Variants in NCK2 observed in about 807,000 individuals in gnomAD.
The protein encoded by NCK2 is NCK adaptor protein 2, also known as cytoplasmic protein NCK2.
In NCK2, 16 loss-of-function variants were observed where a neutral mutation model predicts 33.9. The ratio of observed to expected loss-of-function variants is 0.47; its 90% confidence interval spans 0.32 to 0.72. NCK2 has a LOEUF of 0.72. Ranked by LOEUF, NCK2 falls within the 30% of genes least tolerant of loss-of-function variation. The pLI is 0.03. For missense variants in NCK2, 418 were observed against 537.3 expected, an observed-to-expected ratio of 0.78 and a Z score of 2.19; for synonymous variants, 273 against 239.9, an observed-to-expected ratio of 1.14 and a Z score of -1.27.
chr2:105,846,200 T>G (rs1676849848), intron 2 of NCK2, among the ~76,000 whole-genome samples: 1 of 152,116 alleles, frequency 6.6e-6, no homozygotes, highest in African/African-American at 2.4e-5. Context: ...TGGTAAATTA[T>G]GTGTAAAATA....
Position 105,757,182 on chromosome 2 carries a change from C to G in NCK2, c.-201+12044C>G, listed in dbSNP as rs543351101. ...ATTCTTACGAGGAATAGAGATGAGTCTCCTTTTCCTTTGCTACTAATTTGG... is the reference window on the plus strand; with the variant it reads ...ATTCTTACGAGGAATAGAGATGAGTGTCCTTTTCCTTTGCTACTAATTTGG... On this transcript the variant is annotated intron_variant, in intron 1 of 4. Transcript: ENST00000233154. 3.7e-4 allele frequency among the ~76,000 whole-genome samples: 57 copies of G among 152,254 alleles called. 1 individual carries two copies. Among genetic ancestry groups the G allele is most frequent in the African/African-American group, 9.6e-4 (40 of 41,546 alleles).
At chr2:105,840,348 C>T (rs1676597570) in intron 2 of NCK2, among the ~76,000 whole-genome samples, 1 of 152,142 alleles carries the variant, frequency 6.6e-6, no homozygotes, top group Non-Finnish European at 1.5e-5. Flanking sequence ...ATGTTTTCTT[C>T]CGATTGCCTG....
At chr2:105,860,358 TCCACAAGGGGACCCTAC>T (rs1375427581) in intron 3 of NCK2, among the ~76,000 whole-genome samples, 1 of 152,070 alleles carries the variant, frequency 6.6e-6, no homozygotes, top group Non-Finnish European at 1.5e-5. Context: ...AGTTCCTGCA[TCCACAAGGGGACCCTAC>T]CCACCAAGTG....
intron 3 of NCK2, among the ~76,000 whole-genome samples, chr2:105,868,915 C>T (rs1341062168): frequency 1.3e-5 from 2 of 152,218 alleles, no homozygotes; most frequent in Non-Finnish European, 2.9e-5. Context: ...CAGGAGTGGG[C>T]CCCTCGCAGC....
intron 1 of NCK2, among the ~76,000 whole-genome samples, chr2:105,773,507 T>C (rs1388254868): frequency 2.0e-5 from 3 of 152,112 alleles, no homozygotes; most frequent in Admixed American, 6.6e-5. Context: ...TTCAGTGTCA[T>C]AGAAAGACCC....
chr2:105,882,013 G>A lies in NCK2; in HGVS notation c.912G>A (p.Val304=), dbSNP rs375512251. The change falls in exon 4 of 5, where the codon GTG becomes GTA. Residue 304 remains valine, a synonymous_variant. Coordinates refer to ENST00000233154, the MANE Select transcript of NCK2 (RefSeq NM_003581.5). The stretch of plus-strand genomic sequence containing the variant: ...AGTGCGCCCTCAACGAGCGGGGCGT[G>A]GAGGGCGACTTCCTCATTAGGGACA... ...QAECALNERG[V]EGDFLIRDSE... 50 of 1,505,848 alleles carry A rather than the reference G, an allele frequency of 3.3e-5. No homozygotes were observed. The highest frequency in any genetic ancestry group is 4.2e-5 in the Non-Finnish European group (47 of 1,126,756). The allele number at this position is 1,505,848 out of a possible 1,614,324, so 93.3% of individuals were successfully genotyped here.
At chr2:105,884,489 T>C (rs148227888) in intron 4 of NCK2, among the ~76,000 whole-genome samples, 95 of 152,344 alleles carry the variant, frequency 6.2e-4, no homozygotes, top group African/African-American at 2.2e-3. Flanking sequence ...GGCCTTTAAT[T>C]GAGGTTATCA....
At position 105,830,691 on chromosome 2, in the gene NCK2, G is replaced by GTGAGTGTGTGTGTGTGTGTA. The variant is rs1676143961; in HGVS notation, c.-17+14080_-17+14081insAGTGTGTGTGTGTGTGTATG. 2.0e-5 allele frequency among the ~76,000 whole-genome samples: 3 copies of GTGAGTGTGTGTGTGTGTGTA among 147,198 alleles called. No homozygotes were observed. The South Asian group carries it at 6.4e-4, about 31-fold the overall frequency. ...ATTTGGTGTGTGTGTGTGTGTGTGT[G>GTGAGTGTGTGTGTGTGTGTA]TGTGTGTGTGTGTGTGTGTGTGTGT... On this transcript the variant is annotated intron_variant, in intron 2 of 4. Coordinates refer to ENST00000233154, the MANE Select transcript of NCK2 (RefSeq NM_003581.5).
intron 1 of NCK2, among the ~76,000 whole-genome samples, chr2:105,788,643 A>G (rs554207380): frequency 5.7e-4 from 87 of 152,300 alleles, no homozygotes; most frequent in Non-Finnish European, 1.1e-3. Flanking sequence ...GCCAGTGCAG[A>G]ACTTCCTCAT....
At chr2:105,841,872 A>G (rs1218229600) in intron 2 of NCK2, among the ~76,000 whole-genome samples, 1 of 152,320 alleles carries the variant, frequency 6.6e-6, no homozygotes, top group African/African-American at 2.4e-5. Flanking sequence ...AGGATGGAAA[A>G]GAAAGATATT....
intron 3 of NCK2, among the ~76,000 whole-genome samples, chr2:105,868,883 TGA>T (rs1238615131): frequency 6.6e-6 from 1 of 152,242 alleles, no homozygotes; most frequent in Non-Finnish European, 1.5e-5. Flanking sequence ...GCCAGGGCTA[TGA>T]GTCTGCCTCA....
At chr2:105,773,373 C>T (rs920415584) in intron 1 of NCK2, among the ~76,000 whole-genome samples, 3 of 152,058 alleles carry the variant, frequency 2.0e-5, no homozygotes, top group Non-Finnish European at 4.4e-5. Context: ...GTACACGTGC[C>T]GGCCTCCATC....
chr2:105,751,676 C>T (rs911535644), intron 1 of NCK2, among the ~76,000 whole-genome samples: 1 of 152,214 alleles, frequency 6.6e-6, no homozygotes, highest in African/African-American at 2.4e-5. Flanking sequence ...CAGGGTTCTC[C>T]TGTGCAGTAA....
rs1484534209 is a variant in NCK2 at position 105,758,463 on chromosome 2, TG to T, written c.-201+13326del. On this transcript the variant is annotated intron_variant, in intron 1 of 4. Transcript: ENST00000233154. ...TCTCGCTCTGTCACCCATGCTGGAG[TG>T]CAGTCGCTTGATCTCGGCTCACTGC... is the stretch of plus-strand genomic sequence containing the variant. Among the ~76,000 whole-genome samples the T allele has an allele frequency of 9.0e-3, 1,348 of 149,294 alleles. 22 individuals carry two copies. The highest frequency in any genetic ancestry group is 0.032 in the African/African-American group (1,282 of 40,596).
intron 1 of NCK2, among the ~76,000 whole-genome samples, chr2:105,791,883 T>C (rs1690895305): frequency 6.6e-6 from 1 of 152,260 alleles, no homozygotes; most frequent in Non-Finnish European, 1.5e-5. Context: ...GTGAACTGAT[T>C]TTTCTTTTTG....
At chr2:105,844,339 T>C (rs914983817) in intron 2 of NCK2, among the ~76,000 whole-genome samples, 52 of 152,278 alleles carry the variant, frequency 3.4e-4, no homozygotes, top group Middle Eastern at 3.4e-3. Context: ...CCATGAACTT[T>C]AGTTAATGTA....
At chr2:105,810,303 A>G (rs1396710794) in intron 1 of NCK2, among the ~76,000 whole-genome samples, 1 of 152,106 alleles carries the variant, frequency 6.6e-6, no homozygotes, top group East Asian at 1.9e-4. Flanking sequence ...ATTTGAAAAA[A>G]ACAAAAGTGT....
At chr2:105,819,375 A>G (rs966347420) in intron 2 of NCK2, among the ~76,000 whole-genome samples, 4 of 151,990 alleles carry the variant, frequency 2.6e-5, no homozygotes, top group South Asian at 2.1e-4. Flanking sequence ...TAAAACAGTC[A>G]TTTGCAAATG....
chr2:105,848,092 C>G (rs78084205), intron 2 of NCK2, among the ~76,000 whole-genome samples: 7 of 152,338 alleles, frequency 4.6e-5, no homozygotes, highest in African/African-American at 1.7e-4. Flanking sequence ...GCCATTGAGC[C>G]TAGTGATGAC....
Sources: gnomAD v4.1 joint callset for allele counts (sites outside exome capture counted in the v4.1 genomes callset) on GRCh38, gnomAD v4.1.1 for gene constraint, MANE v1.5 for transcripts, NCBI Gene and HGNC (gene_info 2026-07-23, HGNC 2026-07-21) for gene names.